The following TSPEAR variants were observed in gnomAD, a reference collection of about 807,000 sequenced individuals.
TSPEAR encodes thrombospondin-type laminin G domain and EAR repeat-containing protein.
Under a neutral mutation model 71.6 loss-of-function variants are expected in TSPEAR, and 69 were observed. That is an observed-to-expected ratio of 0.96 (90% CI 0.79 to 1.18). TSPEAR has a LOEUF of 1.18. Ranked by LOEUF, TSPEAR falls within the 50% of genes most tolerant of loss-of-function variation. TSPEAR has a pLI of 0.00. For missense variants in TSPEAR, 971 were observed against 894.9 expected (o/e 1.09, Z -1.09); for synonymous variants, 402 against 387.2 (o/e 1.04, Z -0.45).
At chr21:44,694,963 G>A (rs966226025) in intron 1 of TSPEAR, among the ~76,000 whole-genome samples, 2 of 152,218 alleles carry the variant, frequency 1.3e-5, no homozygotes, top group Non-Finnish European at 2.9e-5. Context: ...AGAGCATGGA[G>A]GGTCTCCCCT....
In TSPEAR at chr21:44,641,548, G is replaced by A. The variant is rs1443683977; in HGVS notation, c.82+69885C>T. On this transcript the variant is annotated intron_variant, in intron 1 of 11. Transcript: ENST00000323084. The stretch of plus-strand genomic sequence containing the variant: ...AGGGTCTGTGATCCTAACCGGGATC[G>A]CAGTGGGGAGAAAATCCAAGAATGG... Among the ~76,000 whole-genome samples, 6 of 152,204 alleles carry A rather than the reference G, an allele frequency of 3.9e-5. No individual in the cohort carries two copies. The East Asian group carries it at 5.8e-4, about 15-fold the overall frequency.
At chr21:44,532,821 C>T (rs370331866) in intron 3 of TSPEAR, among the ~76,000 whole-genome samples, 23 of 152,316 alleles carry the variant, frequency 1.5e-4, no homozygotes, top group Middle Eastern at 3.4e-3. Context: ...GAAACGAACT[C>T]GGCTTCCAAA....
chr21:44,711,336 G>T lies in TSPEAR; in HGVS notation c.82+97C>A. ...TGCCAAAGCGTCCTCGGGCACCGCG[G>T]CTTGAATCAGTGTTAGAAAGTGGCA... On this transcript the variant is annotated intron_variant, in intron 1 of 11. Coordinates refer to ENST00000323084, the MANE Select transcript of TSPEAR (RefSeq NM_144991.3). This position sits in a 1 kb window ranked among gnomAD's most constrained non-coding sequence, Gnocchi z 4.5. The T allele has an allele frequency of 1.7e-6, 2 of 1,157,498 alleles. No homozygotes were observed. The highest frequency in any genetic ancestry group is 2.5e-6 in the Non-Finnish European group (2 of 811,712). 71.7% of individuals were successfully genotyped at this position (1,157,498 alleles called of 1,614,324 possible).
At chr21:44,625,272 T>A (rs782550472) in intron 1 of TSPEAR, among the ~76,000 whole-genome samples, 1 of 152,096 alleles carries the variant, frequency 6.6e-6, no homozygotes, top group South Asian at 2.1e-4. Context: ...AAAATGAGCA[T>A]GAAAAGTTAG....
At chr21:44,527,197 C>T in intron 7 of TSPEAR, 95 bp downstream of exon 7, 3 of 1,220,188 alleles carry the variant, frequency 2.5e-6, no homozygotes, top group South Asian at 1.3e-5. Context: ...GTGAGAAACT[C>T]CTTTACCTGC....
At chr21:44,573,655 C>A in intron 1 of TSPEAR, 1 of 1,538,828 alleles carries the variant, frequency 6.5e-7, no homozygotes, top group South Asian at 1.3e-5. Context: ...CAACATGCAC[C>A]AAGGAGGAGT....
intron 1 of TSPEAR, among the ~76,000 whole-genome samples, chr21:44,672,250 G>A (rs774539266): frequency 1.3e-5 from 2 of 152,306 alleles, no homozygotes; most frequent in East Asian, 1.9e-4. Context: ...AGAAAACAAA[G>A]AGAAGCCCAA....
At chr21:44,570,153 A>T (rs1555922321) in intron 1 of TSPEAR, among the ~76,000 whole-genome samples, 1 of 151,972 alleles carries the variant, frequency 6.6e-6, no homozygotes, top group African/African-American at 2.4e-5. Context: ...CCTGCCCAGC[A>T]CTCAGGATGA....
chr21:44,703,542 C>T (rs1987760027), intron 1 of TSPEAR, among the ~76,000 whole-genome samples: 1 of 152,220 alleles, frequency 6.6e-6, no homozygotes, highest in South Asian at 2.1e-4. Context: ...CTGTGGTCAA[C>T]CAGCTCCTAG....
At chr21:44,706,118 G>A (rs983949819) in intron 1 of TSPEAR, among the ~76,000 whole-genome samples, 1 of 152,190 alleles carries the variant, frequency 6.6e-6, no homozygotes, top group African/African-American at 2.4e-5. Flanking sequence ...GAGGCCTAGT[G>A]CGAGCACAGG....
At chr21:44,584,106 G>A (rs1005318253) in intron 1 of TSPEAR, among the ~76,000 whole-genome samples, 2 of 152,036 alleles carry the variant, frequency 1.3e-5, no homozygotes, top group Non-Finnish European at 2.9e-5. Context: ...CTGCACCCCC[G>A]CCCCTGTGAA....
intron 9 of TSPEAR, chr21:44,516,042 CGT>C (rs1297833418): frequency 1.3e-5 from 2 of 152,278 alleles, no homozygotes; most frequent in Admixed American, 6.5e-5. Flanking sequence ...CGCTTACCGC[CGT>C]GTGTTTGTGG....
At chr21:44,533,982 A>C in intron 2 of TSPEAR, 59 bp from the exon 3 acceptor site, 1 of 1,266,526 alleles carries the variant, frequency 7.9e-7, no homozygotes, top group East Asian at 2.5e-5. Context: ...GTGCGGGGGC[A>C]GGGCAGATGG....
intron 1 of TSPEAR, chr21:44,579,744 C>T (rs781979438): frequency 1.2e-6 from 2 of 1,603,146 alleles, no homozygotes; most frequent in South Asian, 2.2e-5. Flanking sequence ...CAACTGGACT[C>T]CTGGCCTGAG....
intron 1 of TSPEAR, among the ~76,000 whole-genome samples, chr21:44,660,509 G>A (rs1985427109): frequency 6.6e-6 from 1 of 152,196 alleles, no homozygotes; most frequent in African/African-American, 2.4e-5. Flanking sequence ...TCGACCCTAT[G>A]ACACTAAAAG....
chr21:44,547,279 T>A (rs2053317166), intron 2 of TSPEAR, among the ~76,000 whole-genome samples: 1 of 152,246 alleles, frequency 6.6e-6, no homozygotes, highest in Admixed American at 6.5e-5. Flanking sequence ...TGGTGAGGCA[T>A]CATTCTCCTG....
intron 1 of TSPEAR, among the ~76,000 whole-genome samples, chr21:44,657,180 C>G (rs1392292701): frequency 2.6e-5 from 4 of 152,212 alleles, no homozygotes; most frequent in Non-Finnish European, 4.4e-5. Flanking sequence ...TTCCCCAGCA[C>G]TCAGCCCTGT....
chr21:44,626,461 A>G (rs1158972808), intron 1 of TSPEAR, among the ~76,000 whole-genome samples: 1 of 152,192 alleles, frequency 6.6e-6, no homozygotes, highest in Non-Finnish European at 1.5e-5. Flanking sequence ...CCTGCTGCCT[A>G]GCACAGCTAC....
At chr21:44,654,445 T>TGGCA (rs1555942118) in intron 1 of TSPEAR, 1 of 1,614,018 alleles carries the variant, frequency 6.2e-7, no homozygotes, top group Admixed American at 1.7e-5. Flanking sequence ...GCAGGCTGGC[T>TGGCA]GGCAGCAGGT....
Sources: gnomAD v4.1 joint callset for allele counts (sites outside exome capture counted in the v4.1 genomes callset) on GRCh38, gnomAD v4.1.1 for gene constraint, Gnocchi (gnomAD v3.1) non-coding constraint, MANE v1.5 for transcripts, NCBI Gene and HGNC (gene_info 2026-07-23, HGNC 2026-07-21) for gene names.